Variants in EBLN1 observed in about 807,000 individuals in gnomAD.
EBLN1 encodes endogenous Bornavirus like nucleoprotein 1, also known as endogenous Bornavirus-like nucleoprotein 1.
Under a neutral mutation model 0.8 loss-of-function variants are expected in EBLN1, and 1 was observed. The observed-to-expected ratio is 1.32, with a 90% CI of 0.47 to 6.26. The LOEUF (loss-of-function observed/expected upper bound fraction) is 6.26. EBLN1 is among the 30% of genes most tolerant of loss of function. EBLN1 has a pLI of 0.15. For missense variants in EBLN1, 396 were observed against 447.9 expected, an observed-to-expected ratio of 0.88 and a Z score of 1.05; for synonymous variants, 158 against 158.5, an observed-to-expected ratio of 1.00 and a Z score of 0.02.
rs16922091 is a variant in EBLN1 at position 22,209,330 on chromosome 10, C to T, written c.654G>A (p.Ala218=). The change falls in exon 3 of 3, where the codon GCG becomes GCA. Residue 218 remains alanine, a synonymous_variant. Coordinates refer to ENST00000422359, the MANE Select transcript of EBLN1 (RefSeq NM_001394757.1). ...TFLFGEFESP[A]CELLDQVKVV... The stretch of plus-strand genomic sequence containing the variant: ...CTTTAACTTGATCAAGTAGCTCGCA[C>T]GCAGGGGATTCAAATTCTCCAAATA... 460 of 1,603,038 alleles carry T rather than the reference C, an allele frequency of 2.9e-4. 2 individuals carry two copies. The highest frequency in any genetic ancestry group is 2.5e-3 in the East Asian group (111 of 44,886).
intron 1 of EBLN1, among the ~76,000 whole-genome samples, chr10:22,214,184 A>G (rs190096234): frequency 1.4e-3 from 208 of 152,308 alleles, no homozygotes; most frequent in Admixed American, 4.0e-3. Context: ...AACCTAAATA[A>G]AGGAATGAAA....
intron 1 of EBLN1, among the ~76,000 whole-genome samples, chr10:22,217,121 GTA>G (rs1237345801): frequency 1.3e-5 from 2 of 151,934 alleles, no homozygotes; most frequent in Non-Finnish European, 2.9e-5. Context: ...ATATGTATGT[GTA>G]TATATATATT....
At chr10:22,216,149 A>G (rs1834790769) in intron 1 of EBLN1, among the ~76,000 whole-genome samples, 1 of 152,092 alleles carries the variant, frequency 6.6e-6, no homozygotes, top group Admixed American at 6.5e-5. Flanking sequence ...CAGTGTTTCA[A>G]TATTTTATCT....
Position 22,209,194 on chromosome 10 carries a change from A to G in EBLN1, c.790T>C (p.Phe264Leu), listed in dbSNP as rs1183818663. 2 of 1,537,364 alleles carry G rather than the reference A, an allele frequency of 1.3e-6. No individual in the cohort carries two copies. Among genetic ancestry groups the G allele is most frequent in the Non-Finnish European group, 1.7e-6 (2 of 1,147,730 alleles). The change falls in exon 3 of 3, where the codon TTT becomes CTT. Residue 264 changes from phenylalanine (F) to leucine (L), a missense_variant. Phe to Leu is a conservative substitution (Grantham distance 22). Transcript: ENST00000422359. Reference protein sequence around the residue: ...LPAVVLEIPVFEQKKPLAKKV... With the variant: ...LPAVVLEIPVLEQKKPLAKKV... ...TTAGCCAGTGGTTTCTTCTGCTCAA[A>G]AACTGGAATCTCCAACACAACAGCG...
chr10:22,211,370 C>T (rs1009816193), intron 2 of EBLN1, among the ~76,000 whole-genome samples: 1 of 152,136 alleles, frequency 6.6e-6, no homozygotes, highest in Non-Finnish European at 1.5e-5. Flanking sequence ...TAAAAACATC[C>T]TAAAACTTCA....
At chr10:22,213,694 C>T (rs540501751) in intron 1 of EBLN1, among the ~76,000 whole-genome samples, 1 of 152,246 alleles carries the variant, frequency 6.6e-6, no homozygotes, top group African/African-American at 2.4e-5. Context: ...GGGAGATATA[C>T]CAGGTTCCTG....
In EBLN1 at chr10:22,209,476, T is replaced by A. The variant is rs1165595864; in HGVS notation, c.508A>T (p.Ile170Leu). ...QVQRQFKAMM[I>L]SIGRPLHSES... ...CTATGCAAAGGTCTTCCAATGGATA[T>A]CATCATTGCCTTGAATTGTCTCTGT... Residue 170 changes from isoleucine to leucine, a missense_variant, in exon 3 of 3, where the codon ATA becomes TTA. Ile to Leu is a conservative substitution (Grantham distance 5). Transcript: ENST00000422359. The A allele has an allele frequency of 2.5e-6, 4 of 1,596,438 alleles. No homozygotes were observed. The highest frequency in any genetic ancestry group is 3.4e-6 in the Non-Finnish European group (4 of 1,178,774).
intron 2 of EBLN1, among the ~76,000 whole-genome samples, chr10:22,211,553 C>G (rs12259047): frequency 6.6e-6 from 1 of 151,906 alleles, no homozygotes; most frequent in Non-Finnish European, 1.5e-5. Flanking sequence ...AGTGCAGTGG[C>G]GCAATCTCAA....
chr10:22,216,874 A>G (rs1170492), intron 1 of EBLN1, among the ~76,000 whole-genome samples: 31,666 of 152,100 alleles, frequency 0.21, 3,374 homozygotes, highest in Admixed American at 0.25. Context: ...GCCAAAATCC[A>G]CATAATCAAA....
chr10:22,211,756 C>G (rs1193314622), intron 2 of EBLN1, among the ~76,000 whole-genome samples: 1 of 152,060 alleles, frequency 6.6e-6, no homozygotes, highest in East Asian at 1.9e-4. Flanking sequence ...CACGCTACCC[C>G]ACGCTACCCC....
intron 2 of EBLN1, among the ~76,000 whole-genome samples, chr10:22,210,810 G>A (rs998116504): frequency 6.6e-6 from 1 of 152,222 alleles, no homozygotes; most frequent in East Asian, 1.9e-4. Flanking sequence ...TTCCAAACTC[G>A]CTGGCCAAGT....
chr10:22,217,201 C>T (rs1218540826), intron 1 of EBLN1, among the ~76,000 whole-genome samples: 1 of 152,202 alleles, frequency 6.6e-6, no homozygotes, highest in Non-Finnish European at 1.5e-5. Flanking sequence ...TCTTGACTCA[C>T]TGCAACCTTC....
intron 2 of EBLN1, among the ~76,000 whole-genome samples, chr10:22,212,472 T>C (rs1030347564): frequency 6.6e-6 from 1 of 152,212 alleles, no homozygotes; most frequent in Non-Finnish European, 1.5e-5. Flanking sequence ...AATAAGTCCC[T>C]AGTGAGACTC....
At chr10:22,214,957 A>G (rs1015629556) in intron 1 of EBLN1, among the ~76,000 whole-genome samples, 1 of 152,242 alleles carries the variant, frequency 6.6e-6, no homozygotes, top group African/African-American at 2.4e-5. Context: ...TTATTAGACA[A>G]TCAAGAAGAA....
Position 22,209,991 on chromosome 10 carries a change from G to T in EBLN1, c.-8C>A. On this transcript the variant is annotated 5_prime_UTR_variant, in exon 3 of 3. Transcript: ENST00000422359. ...GTTTCTTGGGCGGGACATTGTGGGTGATTGTTTCTGTGATTTTCACACAAT... is the reference window on the plus strand; with the variant it reads ...GTTTCTTGGGCGGGACATTGTGGGTTATTGTTTCTGTGATTTTCACACAAT... 1 of 1,391,104 alleles carries T rather than the reference G, an allele frequency of 7.2e-7. No individual in the cohort carries two copies. The highest frequency in any genetic ancestry group is 9.3e-7 in the Non-Finnish European group (1 of 1,075,452). 86.2% of individuals were successfully genotyped at this position (1,391,104 alleles called of 1,614,324 possible).
At chr10:22,216,219 C>A (rs748381470) in intron 1 of EBLN1, among the ~76,000 whole-genome samples, 4 of 151,626 alleles carry the variant, frequency 2.6e-5, no homozygotes, top group Non-Finnish European at 4.4e-5. Flanking sequence ...TTCGGTGAAA[C>A]CCAATTTAGG....
chr10:22,216,024 T>A (rs1023050594), intron 1 of EBLN1, among the ~76,000 whole-genome samples: 2 of 152,276 alleles, frequency 1.3e-5, no homozygotes, highest in East Asian at 3.9e-4. Flanking sequence ...CAAACTACAC[T>A]TAAATTTTTC....
intron 2 of EBLN1, among the ~76,000 whole-genome samples, chr10:22,211,721 G>C (rs1834756945): frequency 6.6e-6 from 1 of 151,950 alleles, no homozygotes; most frequent in African/African-American, 2.4e-5. Flanking sequence ...TCGAACTCCT[G>C]ACCTCAAGTA....
chr10:22,208,580 G>T lies in EBLN1; in HGVS notation c.*303C>A, dbSNP rs838760. On this transcript the variant is annotated 3_prime_UTR_variant, in exon 3 of 3. Transcript: ENST00000422359. ...TAAAAATGATCTGGGCCTTATCTAT[G>T]AAGAATAAAATAAAAACTCCCCACG... Among the ~76,000 whole-genome samples the T allele has an allele frequency of 0.3, 45,111 of 152,004 alleles. 7,127 individuals carry two copies. Among genetic ancestry groups the T allele is most frequent in the African/African-American group, 0.41 (16,927 of 41,452 alleles).
Sources: allele counts gnomAD v4.1 joint callset (sites outside exome capture counted in the v4.1 genomes callset), GRCh38; gene constraint gnomAD v4.1.1; transcripts MANE v1.5; gene names NCBI Gene and HGNC (gene_info 2026-07-23, HGNC 2026-07-21).